The following ARHGAP26 variants were observed in gnomAD, a reference collection of about 807,000 sequenced individuals.
ARHGAP26 encodes rho GTPase-activating protein 26.
A neutral mutation model predicts 104.8 loss-of-function variants in ARHGAP26; 38 were observed. The observed-to-expected ratio is 0.36, with a 90% CI of 0.28 to 0.48. The LOEUF (loss-of-function observed/expected upper bound fraction) is 0.48. ARHGAP26 is among the 20% of genes least tolerant of loss of function. The pLI, the probability that ARHGAP26 is intolerant of heterozygous loss-of-function variation, is 0.99. For synonymous variants in ARHGAP26, 341 were observed against 340.0 expected (o/e 1.00, Z -0.03); for missense variants, 704 against 947.9 (o/e 0.74, Z 3.38).
intron 17 of ARHGAP26, among the ~76,000 whole-genome samples, chr5:143,099,103 T>G (rs1452060531): frequency 6.6e-6 from 1 of 152,236 alleles, no homozygotes; most frequent in East Asian, 1.9e-4. Flanking sequence ...GATTATCTTT[T>G]CTGCTGGACA....
chr5:143,173,452 G>C (rs1803058921), intron 20 of ARHGAP26, among the ~76,000 whole-genome samples: 1 of 152,216 alleles, frequency 6.6e-6, no homozygotes, highest in Admixed American at 6.5e-5. Context: ...ATTTTCAAGA[G>C]ACGTATTTTT....
chr5:143,042,373 T>G (rs981601505), intron 14 of ARHGAP26, among the ~76,000 whole-genome samples: 5 of 152,202 alleles, frequency 3.3e-5, no homozygotes, highest in Admixed American at 2.6e-4. Context: ...AGAGAAATCT[T>G]CTGATCCTCT....
chr5:143,140,749 G>A (rs1288408731), intron 19 of ARHGAP26, among the ~76,000 whole-genome samples: 1 of 152,078 alleles, frequency 6.6e-6, no homozygotes, highest in Non-Finnish European at 1.5e-5. Context: ...GGTGGGGGTG[G>A]GGGTGGGGGC....
intron 17 of ARHGAP26, among the ~76,000 whole-genome samples, chr5:143,063,167 C>G (rs1014469258): frequency 6.6e-6 from 1 of 152,176 alleles, no homozygotes; most frequent in Non-Finnish European, 1.5e-5. Context: ...CCAGTCCTAT[C>G]GGGCTTTTCC....
intron 17 of ARHGAP26, among the ~76,000 whole-genome samples, chr5:143,091,050 C>T (rs1791352335): frequency 6.6e-6 from 1 of 152,106 alleles, no homozygotes; most frequent in Non-Finnish European, 1.5e-5. Flanking sequence ...AGATGGTCAG[C>T]AATAGAGCGA....
At chr5:143,135,363 G>A (rs1318712169) in intron 19 of ARHGAP26, among the ~76,000 whole-genome samples, 2 of 152,172 alleles carry the variant, frequency 1.3e-5, no homozygotes, top group Non-Finnish European at 2.9e-5. Context: ...ATGCTGGGTG[G>A]TAATGGCACA....
At chr5:142,949,211 GAGAGAGAGA>G (rs1767836465) in intron 11 of ARHGAP26, among the ~76,000 whole-genome samples, 1 of 65,510 alleles carries the variant, frequency 1.5e-5, no homozygotes, top group African/African-American at 1.2e-4. Context: ...GAGAGAGAGA[GAGAGAGAGA>G]GGAGAGAGAG....
At chr5:143,025,859 G>T (rs1704608149) in intron 12 of ARHGAP26, among the ~76,000 whole-genome samples, 1 of 152,088 alleles carries the variant, frequency 6.6e-6, no homozygotes, top group African/African-American at 2.4e-5. Context: ...GAGCTGGTAG[G>T]TTTATTCCCA....
In ARHGAP26 at chr5:143,223,924, C is replaced by T. The variant is rs1162980443; in HGVS notation, c.*1478C>T. On this transcript the variant is annotated 3_prime_UTR_variant, in exon 23 of 23. Coordinates refer to ENST00000645722, the MANE Select transcript of ARHGAP26 (RefSeq NM_001135608.3). The stretch of plus-strand genomic sequence containing the variant: ...ACAACAGAGTTATCCGTATCTTCCA[C>T]ATGTGAATGTCATTGCAAGGGTGAC... 8.6e-6 allele frequency: 2 copies of T among 231,706 alleles called. No individual in the cohort carries two copies. The highest frequency in any genetic ancestry group is 2.2e-5 in the African/African-American group (1 of 45,236). 14.4% of individuals were successfully genotyped at this position (231,706 alleles called of 1,614,324 possible). A position where few individuals can be genotyped will look rare whatever the true frequency, so the allele number is the denominator to read the frequency against.
intron 1 of ARHGAP26, among the ~76,000 whole-genome samples, chr5:142,778,285 T>C (rs951195175): frequency 1.3e-5 from 2 of 152,222 alleles, no homozygotes; most frequent in Non-Finnish European, 2.9e-5. Flanking sequence ...CCTAATCTTA[T>C]AATGCAAAGA....
At chr5:142,894,386 A>G in intron 6 of ARHGAP26, 38 bp downstream of exon 6, 1 of 1,562,514 alleles carries the variant, frequency 6.4e-7, no homozygotes, top group South Asian at 1.1e-5. Context: ...GTACCCATAT[A>G]TTCATCCCTC....
At chr5:143,045,236 G>C (rs1784055909) in intron 14 of ARHGAP26, among the ~76,000 whole-genome samples, 1 of 152,208 alleles carries the variant, frequency 6.6e-6, no homozygotes, top group South Asian at 2.1e-4. Context: ...ACTAGCAGCT[G>C]AAAGTCACGA....
At chr5:142,982,665 T>C (rs1435988247) in intron 11 of ARHGAP26, among the ~76,000 whole-genome samples, 1 of 152,244 alleles carries the variant, frequency 6.6e-6, no homozygotes, top group Non-Finnish European at 1.5e-5. Context: ...CCTTTTGTTG[T>C]ATACCTTTCT....
intron 20 of ARHGAP26, among the ~76,000 whole-genome samples, chr5:143,199,273 G>A: frequency 6.6e-6 from 1 of 152,158 alleles, no homozygotes; most frequent in Admixed American, 6.5e-5. Context: ...AAATCCAGGA[G>A]GTTAGGACTT....
chr5:142,775,474 T>C (rs971861500), intron 1 of ARHGAP26, among the ~76,000 whole-genome samples: 10 of 152,240 alleles, frequency 6.6e-5, no homozygotes, highest in Non-Finnish European at 1.5e-4. Flanking sequence ...GGTTTGTTTG[T>C]TGTAAAATAT....
chr5:142,856,311 G>A (rs964692256), intron 1 of ARHGAP26, among the ~76,000 whole-genome samples: 2 of 152,244 alleles, frequency 1.3e-5, no homozygotes, highest in African/African-American at 4.8e-5. Flanking sequence ...GTTGGTCAGG[G>A]TGGGAGAGGC....
At chr5:142,958,343 A>G (rs1003659866) in intron 11 of ARHGAP26, among the ~76,000 whole-genome samples, 28 of 152,212 alleles carry the variant, frequency 1.8e-4, no homozygotes, top group African/African-American at 6.8e-4. Context: ...AAATGCACCA[A>G]TCATATGTTG....
chr5:143,043,516 A>G (rs1448361051), intron 14 of ARHGAP26, among the ~76,000 whole-genome samples: 1 of 152,186 alleles, frequency 6.6e-6, no homozygotes, highest in Non-Finnish European at 1.5e-5. Context: ...TTTCATATAT[A>G]GTTTCTGTGT....
At chr5:143,192,592 GA>G (rs1165575655) in intron 20 of ARHGAP26, 1 of 152,216 alleles carries the variant, frequency 6.6e-6, no homozygotes, top group Admixed American at 6.5e-5. Flanking sequence ...GGCCCCTTAA[GA>G]AAAAGTTTGC....
Sources: gnomAD v4.1 joint callset for allele counts (sites outside exome capture counted in the v4.1 genomes callset) on GRCh38, gnomAD v4.1.1 for gene constraint, MANE v1.5 for transcripts, NCBI Gene and HGNC (gene_info 2026-07-23, HGNC 2026-07-21) for gene names.